Variants in VAV3 observed in about 807,000 individuals in gnomAD.
VAV3 encodes the protein vav guanine nucleotide exchange factor 3.
VAV3 carries 94 observed loss-of-function variants against 131.2 expected under a neutral mutation model. That is an observed-to-expected ratio of 0.72 (90% CI 0.61 to 0.85). VAV3 has a LOEUF of 0.85. Among genes scored for constraint, VAV3 ranks in the 40% least tolerant of loss-of-function variants. The pLI is 0.00. For synonymous variants in VAV3, 349 were observed against 342.0 expected (o/e 1.02, Z -0.22); for missense variants, 939 against 1,002.7 (o/e 0.94, Z 0.86).
At chr1:107,576,923 C>T (rs1649695768) in intron 25 of VAV3, among the ~76,000 whole-genome samples, 1 of 152,214 alleles carries the variant, frequency 6.6e-6, no homozygotes, top group Non-Finnish European at 1.5e-5. Flanking sequence ...TTACAAACCA[C>T]CTCCATCCTC....
chr1:107,920,566 T>C lies in VAV3; in HGVS notation c.204+44100A>G, dbSNP rs1440062178. Among the ~76,000 whole-genome samples the C allele has an allele frequency of 2.0e-5, 3 of 152,318 alleles. No individual in the cohort carries two copies. In the East Asian group the frequency reaches 5.8e-4, roughly 29 times the overall value. Reference sequence around the variant, plus strand: ...ATAATCTGTTTCCAAATCAGGAAATTCTACCCAACTAGTTTGAACTCTCCA... The same window carrying C: ...ATAATCTGTTTCCAAATCAGGAAATCCTACCCAACTAGTTTGAACTCTCCA... On this transcript the variant is annotated intron_variant, in intron 1 of 26. Transcript: ENST00000370056.
intron 15 of VAV3, among the ~76,000 whole-genome samples, chr1:107,734,379 T>G (rs899246832): frequency 6.6e-6 from 1 of 152,244 alleles, no homozygotes; most frequent in East Asian, 1.9e-4. Flanking sequence ...TAAATGTAAA[T>G]GGCCTAATCC....
At chr1:107,945,990 T>C (rs895534350) in intron 1 of VAV3, among the ~76,000 whole-genome samples, 1 of 152,034 alleles carries the variant, frequency 6.6e-6, no homozygotes, top group Admixed American at 6.6e-5. Flanking sequence ...TGGCTGTTTA[T>C]GGAATGAGCG....
At chr1:107,863,807 CA>C (rs1669858642) in intron 2 of VAV3, among the ~76,000 whole-genome samples, 1 of 152,132 alleles carries the variant, frequency 6.6e-6, no homozygotes, top group African/African-American at 2.4e-5. Flanking sequence ...CTTGAAACAG[CA>C]AAGAGAAGTT....
intron 1 of VAV3, among the ~76,000 whole-genome samples, chr1:107,958,882 T>C (rs1416109989): frequency 6.6e-6 from 1 of 152,190 alleles, no homozygotes; most frequent in East Asian, 1.9e-4. Flanking sequence ...CAAATACATA[T>C]ACACAAGAGT....
intron 19 of VAV3, among the ~76,000 whole-genome samples, chr1:107,658,109 T>C (rs141129172): frequency 7.0e-4 from 106 of 152,314 alleles, no homozygotes; most frequent in African/African-American, 2.4e-3. Flanking sequence ...TTCAAATTAA[T>C]GGCCTCAATA....
At chr1:107,770,531 T>C in intron 6 of VAV3, 105 bp downstream of exon 6, 1 of 783,542 alleles carries the variant, frequency 1.3e-6, no homozygotes, top group South Asian at 1.6e-5. Flanking sequence ...AAAGTTCTCC[T>C]AAAAATTATA....
At chr1:107,833,103 G>A (rs1271953724) in intron 2 of VAV3, among the ~76,000 whole-genome samples, 1 of 152,146 alleles carries the variant, frequency 6.6e-6, no homozygotes, top group Non-Finnish European at 1.5e-5. Flanking sequence ...AGGAAGGCAT[G>A]TCAAAAGCTG....
At chr1:107,578,971 A>C in intron 25 of VAV3, 2 of 925,376 alleles carry the variant, frequency 2.2e-6, no homozygotes, top group Non-Finnish European at 2.6e-6. Flanking sequence ...AAATTAGATA[A>C]GATAACCTAT....
chr1:107,939,152 G>GT lies in VAV3; in HGVS notation c.204+25513dup, dbSNP rs529303124. On this transcript the variant is annotated intron_variant, in intron 1 of 26. Transcript: ENST00000370056. Reference sequence around the variant, plus strand: ...CATTAAACTGTGTTAAATTTGTCTAGTTTTTTTTTCTAAACACTAAGATAA... The same window carrying GT: ...CATTAAACTGTGTTAAATTTGTCTAGTTTTTTTTTTCTAAACACTAAGATAA... Among the ~76,000 whole-genome samples, 566 of 151,520 alleles carry GT rather than the reference G, an allele frequency of 3.7e-3. 1 individual carries two copies. The highest frequency in any genetic ancestry group is 0.013 in the African/African-American group (536 of 41,288).
chr1:107,806,418 A>ATTGCTGG (rs1553211949), intron 2 of VAV3, among the ~76,000 whole-genome samples: 2 of 138,712 alleles, frequency 1.4e-5, no homozygotes, highest in African/African-American at 5.5e-5. Context: ...GTTCTGGGAT[A>ATTGCTGG]TTGTTAGTCT....
intron 16 of VAV3, 86 bp downstream of exon 16, chr1:107,704,874 T>C (rs1434448153): frequency 6.6e-6 from 9 of 1,359,232 alleles, no homozygotes; most frequent in African/African-American, 1.4e-5. Flanking sequence ...CTTTAGAACC[T>C]ATTGGCTAGA....
chr1:107,786,287 A>G (rs1028316237), intron 2 of VAV3, among the ~76,000 whole-genome samples: 1 of 152,328 alleles, frequency 6.6e-6, no homozygotes, highest in South Asian at 2.1e-4. Context: ...TGAATCTTCA[A>G]AAGTGAAACT....
At chr1:107,703,736 C>T (rs527471057) in intron 17 of VAV3, among the ~76,000 whole-genome samples, 1 of 152,288 alleles carries the variant, frequency 6.6e-6, no homozygotes, top group East Asian at 1.9e-4. Context: ...GTTGACATGG[C>T]TACCTTTTGA....
At chr1:107,882,562 G>T (rs1670833878) in intron 1 of VAV3, among the ~76,000 whole-genome samples, 1 of 152,054 alleles carries the variant, frequency 6.6e-6, no homozygotes, top group South Asian at 2.1e-4. Context: ...GGAGGAAGAG[G>T]TGTAAGGAAT....
chr1:107,583,122 G>C (rs1349169858), intron 25 of VAV3, among the ~76,000 whole-genome samples: 1 of 152,102 alleles, frequency 6.6e-6, no homozygotes, highest in Non-Finnish European at 1.5e-5. Flanking sequence ...GTGTGAGATG[G>C]TATCTCACTG....
intron 25 of VAV3, among the ~76,000 whole-genome samples, chr1:107,576,154 C>G (rs1570544282): frequency 6.6e-6 from 1 of 152,050 alleles, no homozygotes; most frequent in Non-Finnish European, 1.5e-5. Flanking sequence ...CAAACTCTCC[C>G]CAACAGATAA....
chr1:107,911,002 G>GA (rs528440978), intron 1 of VAV3, among the ~76,000 whole-genome samples: 10 of 146,270 alleles, frequency 6.8e-5, no homozygotes, highest in Middle Eastern at 3.6e-3. Flanking sequence ...AAAAAAAAAA[G>GA]AAAAAAAAAG....
At chr1:107,875,511 T>C (rs916593995) in intron 1 of VAV3, among the ~76,000 whole-genome samples, 1 of 151,914 alleles carries the variant, frequency 6.6e-6, no homozygotes, top group Non-Finnish European at 1.5e-5. Context: ...AAGTGTTCCA[T>C]ACCAAGGCCC....
Sources: allele counts gnomAD v4.1 joint callset (sites outside exome capture counted in the v4.1 genomes callset), GRCh38; gene constraint gnomAD v4.1.1; transcripts MANE v1.5; gene names NCBI Gene and HGNC (gene_info 2026-07-23, HGNC 2026-07-21).